Variants in CFAP44 observed in about 807,000 individuals in gnomAD.
CFAP44 encodes the protein cilia and flagella associated protein 44, also known as cilia- and flagella-associated protein 44.
In CFAP44, 134 loss-of-function variants were observed where a neutral mutation model predicts 216.2. The observed-to-expected ratio is 0.62, with a 90% confidence interval of 0.54 to 0.72. The LOEUF (loss-of-function observed/expected upper bound fraction) is 0.72, where lower values mean the gene tolerates loss of function less well. Among genes scored for constraint, CFAP44 ranks in the 30% least tolerant of loss-of-function variants. The pLI is 0.00. For missense variants in CFAP44, 2,035 were observed against 2,182.1 expected, an observed-to-expected ratio of 0.93 and a Z score of 1.34; for synonymous variants, 700 against 727.6, an observed-to-expected ratio of 0.96 and a Z score of 0.61.
intron 26 of CFAP44, among the ~76,000 whole-genome samples, chr3:113,329,732 A>G (rs1473050269): frequency 6.6e-6 from 1 of 152,212 alleles, no homozygotes; most frequent in Admixed American, 6.5e-5. Flanking sequence ...ACTTCTACTA[A>G]TGGAACAAAC....
chr3:113,426,375 A>C, intron 3 of CFAP44, 98 bp from the exon 4 acceptor site: 142 of 1,297,738 alleles, frequency 1.1e-4, no homozygotes, highest in Middle Eastern at 2.5e-4. Flanking sequence ...TCCACATGTC[A>C]TGGGAGAGAC....
chr3:113,435,584 C>T (rs1935218207), intron 1 of CFAP44, among the ~76,000 whole-genome samples: 1 of 151,692 alleles, frequency 6.6e-6, no homozygotes, highest in Non-Finnish European at 1.5e-5. Flanking sequence ...TTTTAAATGG[C>T]CAGGCATAGT....
intron 1 of CFAP44, chr3:113,435,000 T>A (rs538263380): frequency 5.3e-5 from 8 of 152,340 alleles, no homozygotes; most frequent in Middle Eastern, 6.8e-3. Context: ...ATCATAATGA[T>A]GCCTTCTTTT....
chr3:113,410,586 T>C (rs1267219871), intron 6 of CFAP44, among the ~76,000 whole-genome samples: 2 of 152,248 alleles, frequency 1.3e-5, no homozygotes, highest in Non-Finnish European at 2.9e-5. Flanking sequence ...TTTGCTATTG[T>C]GAATAGTGCC....
chr3:113,362,491 A>G (rs1015544393), intron 21 of CFAP44, among the ~76,000 whole-genome samples: 1 of 152,112 alleles, frequency 6.6e-6, no homozygotes, highest in African/African-American at 2.4e-5. Flanking sequence ...AGTTACCCAA[A>G]CTGACAATCT....
chr3:113,395,852 A>G lies in CFAP44; in HGVS notation c.1788T>C (p.Asp596=), dbSNP rs1466255486. 2.0e-5 allele frequency: 32 copies of G among 1,612,080 alleles called. No individual in the cohort carries two copies. Among genetic ancestry groups the G allele is most frequent in the Non-Finnish European group, 2.7e-5 (32 of 1,179,008 alleles). The change falls in exon 15 of 35, where the codon GAT becomes GAC. Residue 596 remains aspartate (D), a synonymous_variant. Coordinates refer to ENST00000393845, the MANE Select transcript of CFAP44 (RefSeq NM_001164496.2). The part of the protein sequence containing the change: ...DGEILATGSK[D]QTVFFFEVER... Reference sequence around the variant, plus strand: ...CCACTTCAAAGAAGAAAACAGTTTGATCTTTACTCTAAGGAAAAAGAGACA... The same window carrying G: ...CCACTTCAAAGAAGAAAACAGTTTGGTCTTTACTCTAAGGAAAAAGAGACA...
intron 32 of CFAP44, among the ~76,000 whole-genome samples, chr3:113,300,526 A>T (rs1331039910): frequency 6.6e-6 from 1 of 151,280 alleles, no homozygotes; most frequent in Admixed American, 6.6e-5. Context: ...TAAAAATTGA[A>T]AACAAATTTT....
rs60866565 is a variant in CFAP44 at position 113,302,457 on chromosome 3, T to TAAAAAAAAAAAAAAAAA, written c.5077+1442_5077+1458dup. 7.4e-3 allele frequency among the ~76,000 whole-genome samples: 563 copies of TAAAAAAAAAAAAAAAAA among 75,748 alleles called. 41 individuals carry two copies. Among genetic ancestry groups the TAAAAAAAAAAAAAAAAA allele is most frequent in the African/African-American group, 7.8e-3 (180 of 23,200 alleles). The allele number at this position is 75,748 out of a possible 152,430, so 49.7% of individuals were successfully genotyped here. ...GTATCCAAAGATACACTAGACAAAG[T>TAAAAAAAAAAAAAAAAA]AAAAAAAAAAAAAAAAAAAAAAAGA... On this transcript the variant is annotated intron_variant, in intron 32 of 34. Transcript: ENST00000393845.
intron 6 of CFAP44, among the ~76,000 whole-genome samples, chr3:113,411,323 T>C (rs1236270217): frequency 6.6e-6 from 1 of 152,208 alleles, no homozygotes; most frequent in Non-Finnish European, 1.5e-5. Context: ...AATTTTTGTA[T>C]AAGGTGTAAG....
chr3:113,406,965 T>C lies in CFAP44; in HGVS notation c.967A>G (p.Thr323Ala), dbSNP rs372385532. The change falls in exon 8 of 35, where the codon ACT (threonine) becomes GCT (alanine). Residue 323 changes from threonine (T) to alanine (A), a missense_variant. Thr to Ala is a moderately conservative substitution (Grantham distance 58). Coordinates refer to ENST00000393845, the MANE Select transcript of CFAP44 (RefSeq NM_001164496.2). ...SLGRFGKTIT[T>A]DIEGYMELPD... ...AGCTCCATGTAGCCTTCTATATCAG[T>C]AGTGATTGTTTTGCCAAATCGACCT... 2 of 1,614,126 alleles carry C rather than the reference T, an allele frequency of 1.2e-6. No individual in the cohort carries two copies. Among genetic ancestry groups the C allele is most frequent in the East Asian group, 2.2e-5 (1 of 44,872 alleles).
At chr3:113,382,090 T>C (rs748356432) in intron 15 of CFAP44, among the ~76,000 whole-genome samples, 25 of 152,152 alleles carry the variant, frequency 1.6e-4, no homozygotes, top group Non-Finnish European at 2.8e-4. Flanking sequence ...ACATTTGCTT[T>C]TATAAGAAAA....
intron 15 of CFAP44, among the ~76,000 whole-genome samples, chr3:113,383,680 T>C (rs1367708146): frequency 6.6e-6 from 1 of 152,162 alleles, no homozygotes; most frequent in African/African-American, 2.4e-5. Flanking sequence ...TACTTGGAGA[T>C]AACAGTGGCA....
chr3:113,416,006 G>T (rs547436970), intron 6 of CFAP44, among the ~76,000 whole-genome samples: 6 of 152,218 alleles, frequency 3.9e-5, no homozygotes, highest in East Asian at 1.9e-4. Context: ...TCTCTTAGTA[G>T]GTCTCTAAGA....
In CFAP44 at chr3:113,380,901, G is replaced by A; in HGVS notation, c.2050C>T (p.Leu684=). 1 of 1,569,926 alleles carries A rather than the reference G, an allele frequency of 6.4e-7. No homozygotes were observed. Among genetic ancestry groups the A allele is most frequent in the Non-Finnish European group, 8.6e-7 (1 of 1,160,744 alleles). Residue 684 remains leucine (L), a splice_region_variant and synonymous_variant, in exon 16 of 35, where the codon CTG becomes TTG. Transcript: ENST00000393845. ...FHFSSVKSKI[L]RLIEIEKRER... ...AATGCTTCAGGAATATTCCATACCAGAATCTTAGATTTGACACTTGAAAAA... is the reference window on the plus strand; with the variant it reads ...AATGCTTCAGGAATATTCCATACCAAAATCTTAGATTTGACACTTGAAAAA...
intron 22 of CFAP44, among the ~76,000 whole-genome samples, chr3:113,351,419 C>A (rs1950443705): frequency 6.6e-6 from 1 of 152,144 alleles, no homozygotes; most frequent in Non-Finnish European, 1.5e-5. Flanking sequence ...ACTGGAATAG[C>A]CAGTTTATCT....
At chr3:113,404,051 A>C in intron 8 of CFAP44, 35 bp from the exon 9 acceptor site, 1 of 1,595,730 alleles carries the variant, frequency 6.3e-7, no homozygotes, top group Non-Finnish European at 8.5e-7. Flanking sequence ...ATGTGCATTA[A>C]AACAGGTAAG....
At chr3:113,438,165 T>C (rs1935279486) in intron 1 of CFAP44, among the ~76,000 whole-genome samples, 1 of 152,176 alleles carries the variant, frequency 6.6e-6, no homozygotes, top group Admixed American at 6.5e-5. Flanking sequence ...CACTCAGAAA[T>C]GGCAGTTGTT....
At chr3:113,302,180 A>T (rs1949941649) in intron 32 of CFAP44, among the ~76,000 whole-genome samples, 1 of 152,048 alleles carries the variant, frequency 6.6e-6, no homozygotes, top group Non-Finnish European at 1.5e-5. Flanking sequence ...CTGTTTATGG[A>T]CACTTAGGTT....
intron 14 of CFAP44, 60 bp downstream of exon 14, chr3:113,396,458 C>T (rs1933992555): frequency 1.3e-6 from 2 of 1,547,180 alleles, no homozygotes; most frequent in Non-Finnish European, 1.8e-6. Context: ...AGTAGGAGGA[C>T]TTATAAGGCA....
Sources: allele counts gnomAD v4.1 joint callset (sites outside exome capture counted in the v4.1 genomes callset), GRCh38; gene constraint gnomAD v4.1.1; transcripts MANE v1.5; gene names NCBI Gene and HGNC (gene_info 2026-07-23, HGNC 2026-07-21).